ADAMTSL3: variants seen among roughly 807,000 people sequenced by gnomAD.
ADAMTSL3 encodes ADAMTS like 3, also known as ADAMTS-like protein 3.
In ADAMTSL3, 128 loss-of-function variants were observed where a neutral mutation model predicts 201.7. That is an observed-to-expected ratio of 0.63 (90% CI 0.55 to 0.73). The LOEUF (loss-of-function observed/expected upper bound fraction) is 0.73, where lower values mean the gene tolerates loss of function less well. Among genes scored for constraint, ADAMTSL3 ranks in the 30% least tolerant of loss-of-function variants. The pLI is 0.00. For missense variants in ADAMTSL3, 1,990 were observed against 2,119.6 expected, an observed-to-expected ratio of 0.94 and a Z score of 1.20; for synonymous variants, 738 against 748.4, an observed-to-expected ratio of 0.99 and a Z score of 0.23.
chr15:83,948,485 T>G (rs1403633847), intron 19 of ADAMTSL3, among the ~76,000 whole-genome samples: 1 of 151,618 alleles, frequency 6.6e-6, no homozygotes, highest in Non-Finnish European at 1.5e-5. Context: ...TCGATGGTGC[T>G]TAGGATGGAA....
chr15:83,722,629 A>C (rs1486919388), intron 3 of ADAMTSL3, among the ~76,000 whole-genome samples: 1 of 152,210 alleles, frequency 6.6e-6, no homozygotes, highest in Non-Finnish European at 1.5e-5. Flanking sequence ...CACTCTTCTG[A>C]AGAAATTATT....
chr15:84,021,722 C>G, intron 26 of ADAMTSL3, 129 bp downstream of exon 26: 3 of 980,244 alleles, frequency 3.1e-6, no homozygotes, highest in Non-Finnish European at 4.4e-6. Flanking sequence ...AGGCATCCTG[C>G]TAAGTGCTTT....
At chr15:83,763,938 G>T (rs1460685842) in intron 3 of ADAMTSL3, among the ~76,000 whole-genome samples, 1 of 152,184 alleles carries the variant, frequency 6.6e-6, no homozygotes, top group African/African-American at 2.4e-5. Context: ...CAGGTAAACT[G>T]CTCTCATTCT....
chr15:83,798,921 G>T (rs1160652531), intron 4 of ADAMTSL3, among the ~76,000 whole-genome samples: 1 of 151,622 alleles, frequency 6.6e-6, no homozygotes, highest in African/African-American at 2.4e-5. Context: ...TATTTCGGAA[G>T]CATGGTAGCA....
intron 8 of ADAMTSL3, among the ~76,000 whole-genome samples, chr15:83,864,453 T>A (rs1360594006): frequency 6.6e-6 from 1 of 152,172 alleles, no homozygotes; most frequent in Non-Finnish European, 1.5e-5. Context: ...GCAAGGCTGG[T>A]TCAACATACG....
At chr15:83,795,098 C>G (rs964497812) in intron 4 of ADAMTSL3, among the ~76,000 whole-genome samples, 18 of 152,116 alleles carry the variant, frequency 1.2e-4, no homozygotes, top group Admixed American at 7.2e-4. Context: ...AAGTGATCCA[C>G]CTGCCTTGTC....
intron 5 of ADAMTSL3, among the ~76,000 whole-genome samples, chr15:83,810,338 G>GGA (rs553247323): frequency 9.5e-4 from 144 of 152,226 alleles, no homozygotes; most frequent in Non-Finnish European, 1.8e-3. Context: ...CATGTAGGAG[G>GGA]GAGAGAGAGA....
intron 17 of ADAMTSL3, among the ~76,000 whole-genome samples, chr15:83,935,449 GAAGA>G (rs1238346131): frequency 6.6e-6 from 1 of 151,828 alleles, no homozygotes; most frequent in Non-Finnish European, 1.5e-5. Context: ...ATTCTAAAAA[GAAGA>G]AAGAGACTTA....
At chr15:83,739,877 C>A in intron 3 of ADAMTSL3, 1 of 600,114 alleles carries the variant, frequency 1.7e-6, no homozygotes. Context: ...CAGCATCCTG[C>A]CTGACGACCA....
At chr15:83,945,408 G>T (rs1160359568) in intron 19 of ADAMTSL3, among the ~76,000 whole-genome samples, 1 of 152,194 alleles carries the variant, frequency 6.6e-6, no homozygotes, top group Non-Finnish European at 1.5e-5. Flanking sequence ...GCAAAAGTGG[G>T]TTTGCTTAAT....
chr15:83,891,967 C>CT (rs2141890906), intron 12 of ADAMTSL3, among the ~76,000 whole-genome samples: 1 of 152,248 alleles, frequency 6.6e-6, no homozygotes, highest in East Asian at 1.9e-4. Flanking sequence ...GTAATCCCAG[C>CT]ACTTTGGGAG....
chr15:83,663,244 G>A (rs957786834), intron 2 of ADAMTSL3, among the ~76,000 whole-genome samples: 10 of 152,262 alleles, frequency 6.6e-5, no homozygotes, highest in East Asian at 5.8e-4. Flanking sequence ...GCAGACCCAC[G>A]GTCTAAGCAG....
At chr15:84,023,346 G>A (rs902945089) in intron 26 of ADAMTSL3, among the ~76,000 whole-genome samples, 1 of 152,212 alleles carries the variant, frequency 6.6e-6, no homozygotes, top group Non-Finnish European at 1.5e-5. Context: ...CTGGAGAAAT[G>A]TTTAATGTTA....
intron 17 of ADAMTSL3, among the ~76,000 whole-genome samples, chr15:83,935,477 A>G (rs920009400): frequency 1.3e-5 from 2 of 152,124 alleles, no homozygotes; most frequent in Admixed American, 1.3e-4. Flanking sequence ...AAGAGATAAT[A>G]AGAGGGAATA....
At chr15:83,857,727 A>G (rs2064769510) in intron 7 of ADAMTSL3, among the ~76,000 whole-genome samples, 1 of 152,198 alleles carries the variant, frequency 6.6e-6, no homozygotes, top group Non-Finnish European at 1.5e-5. Flanking sequence ...AGGTATTTCT[A>G]TTTAATAAAA....
intron 19 of ADAMTSL3, among the ~76,000 whole-genome samples, chr15:83,969,741 G>C (rs1406801931): frequency 6.6e-6 from 1 of 152,218 alleles, no homozygotes; most frequent in Non-Finnish European, 1.5e-5. Flanking sequence ...GGAAAATGGG[G>C]AGTTGTTAAA....
At chr15:83,935,961 A>G (rs749967924) in intron 17 of ADAMTSL3, among the ~76,000 whole-genome samples, 3 of 152,110 alleles carry the variant, frequency 2.0e-5, no homozygotes, top group Non-Finnish European at 2.9e-5. Context: ...GAACAAAACC[A>G]GGAAATTGCA....
intron 4 of ADAMTSL3, among the ~76,000 whole-genome samples, chr15:83,792,369 TAAAA>T (rs2063357689): frequency 6.6e-6 from 1 of 152,098 alleles, no homozygotes; most frequent in African/African-American, 2.4e-5. Flanking sequence ...GGATGGCTAT[TAAAA>T]AAACAAAAGA....
chr15:83,920,196 C>T (rs966606717), intron 16 of ADAMTSL3, among the ~76,000 whole-genome samples: 9 of 152,286 alleles, frequency 5.9e-5, no homozygotes, highest in Non-Finnish European at 1.0e-4. Flanking sequence ...ACTATGGGCT[C>T]ATTTGAGCAT....
Sources: gnomAD v4.1 joint callset for allele counts (sites outside exome capture counted in the v4.1 genomes callset) on GRCh38, gnomAD v4.1.1 for gene constraint, MANE v1.5 for transcripts, NCBI Gene and HGNC (gene_info 2026-07-23, HGNC 2026-07-21) for gene names.